LURAP1L: variants seen among roughly 807,000 people sequenced by gnomAD.
The protein encoded by LURAP1L is leucine rich adaptor protein 1-like.
LURAP1L carries 12 observed loss-of-function variants against 13.8 expected under a neutral mutation model. That is an observed-to-expected ratio of 0.87 (90% confidence interval 0.56 to 1.41). The LOEUF is 1.41. LURAP1L is among the 40% of genes most tolerant of loss of function. The pLI, the probability that LURAP1L is intolerant of heterozygous loss-of-function variation, is 0.00. For missense variants in LURAP1L, 375 were observed against 292.9 expected, an observed-to-expected ratio of 1.28 and a Z score of -2.04; for synonymous variants, 139 against 119.2, an observed-to-expected ratio of 1.17 and a Z score of -1.08.
chr9:12,798,748 T>G (rs1019073078), intron 1 of LURAP1L, among the ~76,000 whole-genome samples: 1 of 152,212 alleles, frequency 6.6e-6, no homozygotes, highest in East Asian at 1.9e-4. Flanking sequence ...ACAATAGGAA[T>G]AGAAATCAGA....
rs1158378553 is a variant in LURAP1L at position 12,821,807 on chromosome 9, C to T, written c.*47C>T. The T allele has an allele frequency of 1.3e-6, 2 of 1,549,550 alleles. No homozygotes were observed. Among genetic ancestry groups the T allele is most frequent in the Non-Finnish European group, 8.7e-7 (1 of 1,147,762 alleles). On this transcript the variant is annotated 3_prime_UTR_variant, in exon 2 of 2. Transcript: ENST00000319264. ...TGGTGTGCAATGAACTTGTATTTAT[C>T]CTTCTTCTCCGCTGCTATATTTTTG...
At position 12,822,753 on chromosome 9, in the gene LURAP1L, A is replaced by T. The variant is rs1819898652; in HGVS notation, c.*993A>T. On this transcript the variant is annotated 3_prime_UTR_variant, in exon 2 of 2. Transcript: ENST00000319264. ...TAATCTCTAAGTTTTCTGAAATGGA[A>T]TATTTAACGCACATAGACAGTGGAT... Among the ~76,000 whole-genome samples, 1 of 152,176 alleles carries T rather than the reference A, an allele frequency of 6.6e-6. No individual in the cohort carries two copies. Among genetic ancestry groups the T allele is most frequent in the Non-Finnish European group, 1.5e-5 (1 of 68,026 alleles).
rs940119475 is a variant in LURAP1L at position 12,809,485 on chromosome 9, C to T, written c.313-11901C>T. On this transcript the variant is annotated intron_variant, in intron 1 of 1. Transcript: ENST00000319264. ...GCATTTTCATTTGTTTCCTTCTTTG[C>T]ACTTTCATCTCTCTGCTTTTATTAC... is the stretch of plus-strand genomic sequence containing the variant. Among the ~76,000 whole-genome samples, 3 of 152,124 alleles carry T rather than the reference C, an allele frequency of 2.0e-5. No individual in the cohort carries two copies. The East Asian group carries it at 5.8e-4, about 29-fold the overall frequency.
chr9:12,801,435 G>GTA (rs953547647), intron 1 of LURAP1L, among the ~76,000 whole-genome samples: 105 of 152,114 alleles, frequency 6.9e-4, no homozygotes, highest in African/African-American at 2.4e-3. Flanking sequence ...TCCAGGCTAT[G>GTA]TATATATGTA....
At chr9:12,800,795 A>G (rs1355631147) in intron 1 of LURAP1L, among the ~76,000 whole-genome samples, 2 of 152,186 alleles carry the variant, frequency 1.3e-5, no homozygotes, top group Non-Finnish European at 2.9e-5. Flanking sequence ...TATAGCCTTC[A>G]GAACCATGAG....
intron 1 of LURAP1L, among the ~76,000 whole-genome samples, chr9:12,786,768 T>C (rs774246694): frequency 6.6e-6 from 1 of 151,586 alleles, no homozygotes; most frequent in South Asian, 2.1e-4. Context: ...TAGGCTCTTA[T>C]GAAAGAGTGA....
At chr9:12,786,568 A>ATATG (rs1563888372) in intron 1 of LURAP1L, among the ~76,000 whole-genome samples, 2 of 124,416 alleles carry the variant, frequency 1.6e-5, no homozygotes, top group African/African-American at 5.9e-5. Context: ...ATATATATAT[A>ATATG]TATATATATA....
chr9:12,817,895 C>A (rs1750138382), intron 1 of LURAP1L, among the ~76,000 whole-genome samples: 1 of 152,144 alleles, frequency 6.6e-6, no homozygotes, highest in African/African-American at 2.4e-5. Context: ...AGCAGCTGGG[C>A]CAGCCCAGGA....
chr9:12,819,933 A>G (rs12376977), intron 1 of LURAP1L, among the ~76,000 whole-genome samples: 7,999 of 151,774 alleles, frequency 0.053, 289 homozygotes, highest in Non-Finnish European at 0.078. Context: ...CCGCCTGGGC[A>G]ATAGAGTGAG....
intron 1 of LURAP1L, among the ~76,000 whole-genome samples, chr9:12,781,167 C>T (rs1394929404): frequency 6.6e-6 from 1 of 152,108 alleles, no homozygotes; most frequent in Non-Finnish European, 1.5e-5. Context: ...GATGGGGTTT[C>T]TCCACGTTGG....
intron 1 of LURAP1L, among the ~76,000 whole-genome samples, chr9:12,806,236 T>C (rs543220123): frequency 5.3e-5 from 8 of 152,330 alleles, no homozygotes; most frequent in Non-Finnish European, 1.2e-4. Flanking sequence ...ATGGTACAGC[T>C]GGTTCAAGAG....
At chr9:12,798,272 T>G (rs148046488) in intron 1 of LURAP1L, among the ~76,000 whole-genome samples, 3 of 152,306 alleles carry the variant, frequency 2.0e-5, no homozygotes, top group Non-Finnish European at 2.9e-5. Flanking sequence ...TCAATAATTC[T>G]GGCCACCAGC....
chr9:12,789,963 T>A (rs1365023898), intron 1 of LURAP1L, among the ~76,000 whole-genome samples: 1 of 152,182 alleles, frequency 6.6e-6, no homozygotes, highest in Non-Finnish European at 1.5e-5. Flanking sequence ...GTATTGCAAA[T>A]AAATAATAAT....
At chr9:12,816,002 C>T (rs10960809) in intron 1 of LURAP1L, among the ~76,000 whole-genome samples, 54,376 of 151,944 alleles carry the variant, frequency 0.36, 10,946 homozygotes, top group African/African-American at 0.55. Flanking sequence ...GCTGGAGTTA[C>T]TGAGCAGCAG....
At chr9:12,779,495 C>CT (rs1246555574) in intron 1 of LURAP1L, among the ~76,000 whole-genome samples, 1 of 152,088 alleles carries the variant, frequency 6.6e-6, no homozygotes, top group Non-Finnish European at 1.5e-5. Flanking sequence ...AGGATGGTCT[C>CT]TATCTCCTGA....
At chr9:12,787,260 CAT>C (rs1214287664) in intron 1 of LURAP1L, among the ~76,000 whole-genome samples, 2 of 152,002 alleles carry the variant, frequency 1.3e-5, no homozygotes, top group Non-Finnish European at 2.9e-5. Flanking sequence ...TAATGATAGA[CAT>C]ATAATTGTGT....
chr9:12,807,988 A>G (rs1454658263), intron 1 of LURAP1L, among the ~76,000 whole-genome samples: 5 of 152,204 alleles, frequency 3.3e-5, no homozygotes, highest in Admixed American at 1.3e-4. Flanking sequence ...TATATAAAAC[A>G]GTATTCCCAA....
At chr9:12,797,983 G>A (rs1041245881) in intron 1 of LURAP1L, among the ~76,000 whole-genome samples, 7 of 151,976 alleles carry the variant, frequency 4.6e-5, no homozygotes, top group African/African-American at 1.2e-4. Context: ...AAAAATGAAC[G>A]GTAATTTAGA....
At chr9:12,795,964 A>G (rs1819506799) in intron 1 of LURAP1L, among the ~76,000 whole-genome samples, 1 of 152,090 alleles carries the variant, frequency 6.6e-6, no homozygotes, top group Non-Finnish European at 1.5e-5. Context: ...TTCTACTAGT[A>G]TAAGATAAAT....
Sources: allele counts gnomAD v4.1 joint callset (sites outside exome capture counted in the v4.1 genomes callset), GRCh38; gene constraint gnomAD v4.1.1; transcripts MANE v1.5; gene names NCBI Gene and HGNC (gene_info 2026-07-23, HGNC 2026-07-21).